C15orf61: variants seen among roughly 807,000 people sequenced by gnomAD.
C15orf61 encodes chromosome 15 open reading frame 61.
In C15orf61, 12 loss-of-function variants were observed where a neutral mutation model predicts 13.7. The observed-to-expected ratio is 0.88, with a 90% CI of 0.56 to 1.42. The LOEUF (loss-of-function observed/expected upper bound fraction) is 1.42, where lower values mean the gene tolerates loss of function less well. C15orf61 is among the 40% of genes most tolerant of loss of function. The pLI is 0.00. For synonymous variants in C15orf61, 92 were observed against 94.1 expected, an observed-to-expected ratio of 0.98 and a Z score of 0.13; for missense variants, 248 against 213.2, an observed-to-expected ratio of 1.16 and a Z score of -1.02.
In C15orf61 at chr15:67,526,554, G is replaced by A. The variant is rs574020770; in HGVS notation, c.*9G>A. On this transcript the variant is annotated 3_prime_UTR_variant, in exon 2 of 2. Transcript: ENST00000342683. ...AAGGTGCCATGTATTGAAAGTGTGC[G>A]TCAAAGAACATAAATATCAGTGGAT... The A allele has an allele frequency of 1.5e-4, 222 of 1,503,094 alleles. No individual in the cohort carries two copies. Among genetic ancestry groups the A allele is most frequent in the South Asian group, 2.0e-4 (15 of 73,986 alleles). 93.1% of individuals were successfully genotyped at this position (1,503,094 alleles called of 1,614,324 possible).
rs748745904 is a variant in C15orf61 at position 67,527,522 on chromosome 15, C to T, written c.*977C>T. 1 of 152,094 alleles carries T rather than the reference C, an allele frequency of 6.6e-6. No homozygotes were observed. Among genetic ancestry groups the T allele is most frequent in the African/African-American group, 2.4e-5 (1 of 41,418 alleles). The allele number at this position is 152,094 out of a possible 1,614,324, so 9.4% of individuals were successfully genotyped here. On this transcript the variant is annotated 3_prime_UTR_variant, in exon 2 of 2. Coordinates refer to ENST00000342683, the MANE Select transcript of C15orf61 (RefSeq NM_001143936.2). ...GTAATTTAGGGAGAACTAAGTAGAACTATTTAATTTCTAAACCAATGGGTG... is the reference window on the plus strand; with the variant it reads ...GTAATTTAGGGAGAACTAAGTAGAATTATTTAATTTCTAAACCAATGGGTG...
chr15:67,529,095 T>C lies in C15orf61; in HGVS notation c.*2550T>C, dbSNP rs1428738053. ...TGTCATATTTCTTTGACAGGATTTT[T>C]ATCTTTAATCCAACCAAAACTGTTT... is the stretch of plus-strand genomic sequence containing the variant. On this transcript the variant is annotated 3_prime_UTR_variant, in exon 2 of 2. Coordinates refer to ENST00000342683, the MANE Select transcript of C15orf61 (RefSeq NM_001143936.2). The surrounding 1 kb of genome is among the most constrained non-coding windows in gnomAD (Gnocchi z 4.4). 1.3e-5 allele frequency: 2 copies of C among 152,222 alleles called. No individual in the cohort carries two copies. The highest frequency in any genetic ancestry group is 2.9e-5 in the Non-Finnish European group (2 of 68,040). The allele number at this position is 152,222 out of a possible 1,614,324, so 9.4% of individuals were successfully genotyped here.
Position 67,526,760 on chromosome 15 carries a change from T to C in C15orf61, c.*215T>C. 1 of 364,388 alleles carries C rather than the reference T, an allele frequency of 2.7e-6. No individual in the cohort carries two copies. The highest frequency in any genetic ancestry group is 4.8e-6 in the Non-Finnish European group (1 of 208,136). 22.6% of individuals were successfully genotyped at this position (364,388 alleles called of 1,614,324 possible). ...TTAGCTGATGTGAACTACAAACACATGAAGCTTCACACCATTTTTTCCCTA... is the reference window on the plus strand; with the variant it reads ...TTAGCTGATGTGAACTACAAACACACGAAGCTTCACACCATTTTTTCCCTA... On this transcript the variant is annotated 3_prime_UTR_variant, in exon 2 of 2. Coordinates refer to ENST00000342683, the MANE Select transcript of C15orf61 (RefSeq NM_001143936.2).
At position 67,528,954 on chromosome 15, in the gene C15orf61, A is replaced by C. The variant is rs527765830; in HGVS notation, c.*2409A>C. On this transcript the variant is annotated 3_prime_UTR_variant, in exon 2 of 2. Coordinates refer to ENST00000342683, the MANE Select transcript of C15orf61 (RefSeq NM_001143936.2). The stretch of plus-strand genomic sequence containing the variant: ...TAAGGTGATGGAGAAAGAAGGAGAG[A>C]TGCATTGATAGCACATGCCCACTAA... 1 of 152,296 alleles carries C rather than the reference A, an allele frequency of 6.6e-6. No individual in the cohort carries two copies. The highest frequency in any genetic ancestry group is 1.9e-4 in the East Asian group (1 of 5,186). The allele number at this position is 152,296 out of a possible 1,614,324, so 9.4% of individuals were successfully genotyped here.
At position 67,521,160 on chromosome 15, in the gene C15orf61, C is replaced by A. The variant is rs1265600181; in HGVS notation, c.-89C>A. On this transcript the variant is annotated 5_prime_UTR_variant, in exon 1 of 2. Transcript: ENST00000342683. ...CGGGGGCTCTCGGGCACCCGCGCGG[C>A]GCCGGTTGGCCTTCCCGGCGCTCGC... is the stretch of plus-strand genomic sequence containing the variant. The A allele has an allele frequency of 2.2e-6, 2 of 904,372 alleles. No individual in the cohort carries two copies. Among genetic ancestry groups the A allele is most frequent in the Admixed American group, 5.0e-5 (1 of 20,078 alleles). The allele number at this position is 904,372 out of a possible 1,614,324, so 56.0% of individuals were successfully genotyped here.
At chr15:67,522,046 T>C in intron 1 of C15orf61, 1 of 700,700 alleles carries the variant, frequency 1.4e-6, no homozygotes, top group Non-Finnish European at 2.6e-6. Flanking sequence ...TCTTTTGTTT[T>C]CTTTGTATGA....
In C15orf61 at chr15:67,525,323, T is replaced by C. The variant is rs1475493071; in HGVS notation, c.347-1095T>C. Among the ~76,000 whole-genome samples the C allele has an allele frequency of 6.6e-6, 1 of 152,254 alleles. No homozygotes were observed. Among genetic ancestry groups the C allele is most frequent in the East Asian group, 1.9e-4 (1 of 5,202 alleles). The stretch of plus-strand genomic sequence containing the variant: ...TTTTTAATATGTTAGTAGTCATTAA[T>C]TTTAAATAAGTACCTTTAAAAAGAT... On this transcript the variant is annotated intron_variant, in intron 1 of 1. Transcript: ENST00000342683. This position sits in a 1 kb window ranked among gnomAD's most constrained non-coding sequence, Gnocchi z 4.9.
intron 1 of C15orf61, among the ~76,000 whole-genome samples, chr15:67,524,833 G>GT (rs1307736179): frequency 3.1e-4 from 35 of 112,654 alleles, no homozygotes; most frequent in African/African-American, 6.5e-4. Flanking sequence ...TTGCTTTTTT[G>GT]TTTGTTTTTT....
In C15orf61 at chr15:67,525,516, A is replaced by G. The variant is rs921218751; in HGVS notation, c.347-902A>G. ...AGAAACACATGTTGGAGTCTACTAT[A>G]TATCTATTTCAAATTGGTTGAAATG... is the stretch of plus-strand genomic sequence containing the variant. On this transcript the variant is annotated intron_variant, in intron 1 of 1. Transcript: ENST00000342683. The surrounding 1 kb of genome is among the most constrained non-coding windows in gnomAD (Gnocchi z 4.9). Among the ~76,000 whole-genome samples the G allele has an allele frequency of 2.6e-5, 4 of 152,224 alleles. No homozygotes were observed. Among genetic ancestry groups the G allele is most frequent in the East Asian group, 3.8e-4 (2 of 5,196 alleles).
Position 67,528,777 on chromosome 15 carries a change from C to G in C15orf61, c.*2232C>G, listed in dbSNP as rs756880165. ...CCTCCTTTGTGTCTTGGTTTTTCCACCTGTAATCTGAGAAGAACGAAACAA... is the reference window on the plus strand; with the variant it reads ...CCTCCTTTGTGTCTTGGTTTTTCCAGCTGTAATCTGAGAAGAACGAAACAA... On this transcript the variant is annotated 3_prime_UTR_variant, in exon 2 of 2. Transcript: ENST00000342683. 1.3e-5 allele frequency: 2 copies of G among 152,140 alleles called. No individual in the cohort carries two copies. The highest frequency in any genetic ancestry group is 6.6e-5 in the Admixed American group (1 of 15,264). 9.4% of individuals were successfully genotyped at this position (152,140 alleles called of 1,614,324 possible).
In C15orf61 at chr15:67,521,140, G is replaced by A; in HGVS notation, c.-109G>A. On this transcript the variant is annotated 5_prime_UTR_variant, in exon 1 of 2. Transcript: ENST00000342683. Reference sequence around the variant, plus strand: ...GCGCACGCGCCGCCGCACACCGGGGGCTCTCGGGCACCCGCGCGGCGCCGG... The same window carrying A: ...GCGCACGCGCCGCCGCACACCGGGGACTCTCGGGCACCCGCGCGGCGCCGG... The A allele has an allele frequency of 4.6e-6, 3 of 650,634 alleles. No individual in the cohort carries two copies. The allele number at this position is 650,634 out of a possible 1,614,324, so 40.3% of individuals were successfully genotyped here.
In C15orf61 at chr15:67,528,946, A is replaced by G. The variant is rs927605484; in HGVS notation, c.*2401A>G. The G allele has an allele frequency of 1.3e-5, 2 of 152,298 alleles. No individual in the cohort carries two copies. The highest frequency in any genetic ancestry group is 2.9e-5 in the Non-Finnish European group (2 of 68,024). 9.4% of individuals were successfully genotyped at this position (152,298 alleles called of 1,614,324 possible). On this transcript the variant is annotated 3_prime_UTR_variant, in exon 2 of 2. Coordinates refer to ENST00000342683, the MANE Select transcript of C15orf61 (RefSeq NM_001143936.2). ...TTCAAAAATAAGGTGATGGAGAAAG[A>G]AGGAGAGATGCATTGATAGCACATG... is the stretch of plus-strand genomic sequence containing the variant.
At chr15:67,522,008 G>A in intron 1 of C15orf61, 1 of 697,472 alleles carries the variant, frequency 1.4e-6, no homozygotes. Context: ...CGTTTATGTT[G>A]CAATAACTGG....
rs1245845718 is a variant in C15orf61, at chr15:67,521,167, T to A, written c.-82T>A. The A allele has an allele frequency of 1.0e-6, 1 of 975,116 alleles. No individual in the cohort carries two copies. The highest frequency in any genetic ancestry group is 4.5e-5 in the East Asian group (1 of 22,468). The allele number at this position is 975,116 out of a possible 1,614,324, so 60.4% of individuals were successfully genotyped here. ...TCTCGGGCACCCGCGCGGCGCCGGT[T>A]GGCCTTCCCGGCGCTCGCCCGGGGG... is the stretch of plus-strand genomic sequence containing the variant. On this transcript the variant is annotated 5_prime_UTR_variant, in exon 1 of 2. Coordinates refer to ENST00000342683, the MANE Select transcript of C15orf61 (RefSeq NM_001143936.2).
rs1596527859 is a variant in C15orf61, at chr15:67,521,907, TCAGGAAAC to T, written c.346+314_346+321del. On this transcript the variant is annotated intron_variant, in intron 1 of 1. Coordinates refer to ENST00000342683, the MANE Select transcript of C15orf61 (RefSeq NM_001143936.2). ...GGCCTGGGCAGTAAGCCAGGGGGCG[TCAGGAAAC>T]GCCCCCTAGAAAGTGGCTCTGAAGT... The T allele has an allele frequency of 1.5e-4, 100 of 666,602 alleles. No individual in the cohort carries two copies. The East Asian group carries it at 2.8e-3, about 18-fold the overall frequency. The allele number at this position is 666,602 out of a possible 1,614,324, so 41.3% of individuals were successfully genotyped here. A position where few individuals can be genotyped will look rare whatever the true frequency, so the allele number is the denominator to read the frequency against.
chr15:67,521,610 C>G lies in C15orf61; in HGVS notation c.346+16C>G. On this transcript the variant is annotated intron_variant, in intron 1 of 1. Transcript: ENST00000342683. Reference sequence around the variant, plus strand: ...GTCAACCTCGGTGAGTGGCGACTGCCGCGCCCACGCGGTGAAGCCCGCCCG... The same window carrying G: ...GTCAACCTCGGTGAGTGGCGACTGCGGCGCCCACGCGGTGAAGCCCGCCCG... 1 of 1,497,564 alleles carries G rather than the reference C, an allele frequency of 6.7e-7. No homozygotes were observed. The highest frequency in any genetic ancestry group is 2.5e-5 in the East Asian group (1 of 40,062). 92.8% of individuals were successfully genotyped at this position (1,497,564 alleles called of 1,614,324 possible).
rs1038206588 is a variant in C15orf61 at position 67,525,533 on chromosome 15, G to T, written c.347-885G>T. 6.6e-6 allele frequency among the ~76,000 whole-genome samples: 1 copy of T among 152,084 alleles called. No individual in the cohort carries two copies. The highest frequency in any genetic ancestry group is 1.5e-5 in the Non-Finnish European group (1 of 68,024). On this transcript the variant is annotated intron_variant, in intron 1 of 1. Transcript: ENST00000342683. This position sits in a 1 kb window ranked among gnomAD's most constrained non-coding sequence, Gnocchi z 4.9. ...TCTACTATATATCTATTTCAAATTGGTTGAAATGAGGTTGTTTTCAGATCA... is the reference window on the plus strand; with the variant it reads ...TCTACTATATATCTATTTCAAATTGTTTGAAATGAGGTTGTTTTCAGATCA...
In C15orf61 at chr15:67,526,468, ACAGAGACTGTG is replaced by A; in HGVS notation, c.400_410del (p.Glu134TyrfsTer13). 6.5e-7 allele frequency: 1 copy of A among 1,541,244 alleles called. No homozygotes were observed. Among genetic ancestry groups the A allele is most frequent in the Non-Finnish European group, 8.8e-7 (1 of 1,137,622 alleles). Reference sequence around the variant, plus strand: ...TGGCTCCTGGTTATTTGCCAGAGTCACAGAGACTGTGCATACCAGTTATGGACCCATAACAG... The same window carrying A: ...TGGCTCCTGGTTATTTGCCAGAGTCACATACCAGTTATGGACCCATAACAG... On this transcript the variant is annotated frameshift_variant, in exon 2 of 2. Transcript: ENST00000342683. LOFTEE classifies it high-confidence loss of function.
At position 67,528,264 on chromosome 15, in the gene C15orf61, A is replaced by G. The variant is rs1186392900; in HGVS notation, c.*1719A>G. 1.3e-5 allele frequency: 2 copies of G among 152,334 alleles called. No homozygotes were observed. Among genetic ancestry groups the G allele is most frequent in the African/African-American group, 4.8e-5 (2 of 41,580 alleles). 9.4% of individuals were successfully genotyped at this position (152,334 alleles called of 1,614,324 possible). A position where few individuals can be genotyped will look rare whatever the true frequency, so the allele number is the denominator to read the frequency against. ...TCTGCTTACCTGTTTTTCAATAGCT[A>G]TAGTCAGTGTGACTTCTTGCCCATA... On this transcript the variant is annotated 3_prime_UTR_variant, in exon 2 of 2. Transcript: ENST00000342683.
Sources: allele counts gnomAD v4.1 joint callset (sites outside exome capture counted in the v4.1 genomes callset), GRCh38; gene constraint gnomAD v4.1.1; non-coding constraint Gnocchi (gnomAD v3.1); transcripts MANE v1.5; gene names NCBI Gene and HGNC (gene_info 2026-07-23, HGNC 2026-07-21).